TTC9C: variants seen among roughly 807,000 people sequenced by gnomAD.
The protein encoded by TTC9C is tetratricopeptide repeat protein 9C.
TTC9C carries 15 observed loss-of-function variants against 22.5 expected under a neutral mutation model. That is an observed-to-expected ratio of 0.67 (90% confidence interval 0.45 to 1.03). TTC9C has a LOEUF of 1.03. Among genes scored for constraint, TTC9C ranks in the 50% least tolerant of loss-of-function variants. The pLI is 0.00. For missense variants in TTC9C, 244 were observed against 214.6 expected (o/e 1.14, Z -0.86); for synonymous variants, 92 against 86.8 (o/e 1.06, Z -0.33).
chr11:62,728,450 TC>T (rs945405514), upstream of TTC9C: 5 of 461,076 alleles, frequency 1.1e-5, no homozygotes, highest in African/African-American at 6.1e-5. Context: ...TACTTCCAGG[TC>T]GGGGGGGGGC....
chr11:62,733,242 G>C lies in TTC9C; in HGVS notation c.239-2140G>C. 4.6e-6 allele frequency: 5 copies of C among 1,075,974 alleles called. No homozygotes were observed. The South Asian group carries it at 7.4e-5, about 16-fold the overall frequency. The allele number at this position is 1,075,974 out of a possible 1,614,324, so 66.7% of individuals were successfully genotyped here. On this transcript the variant is annotated intron_variant, in intron 1 of 2. Transcript: ENST00000316461. The stretch of plus-strand genomic sequence containing the variant: ...CCATTAAGTCATCCAAGAGAATAGT[G>C]AAGTTATATGCTGTATTGTTACTGA...
At chr11:62,733,099 CTA>C in intron 1 of TTC9C, 3 of 1,262,560 alleles carry the variant, frequency 2.4e-6, no homozygotes, top group Non-Finnish European at 2.1e-6. Context: ...TTTAATAATA[CTA>C]TGTTTAATTC....
chr11:62,730,428 T>A (rs770819271), intron 1 of TTC9C, among the ~76,000 whole-genome samples: 5 of 152,108 alleles, frequency 3.3e-5, no homozygotes, highest in Non-Finnish European at 5.9e-5. Flanking sequence ...CATTTACAGA[T>A]ATCTGCCATC....
chr11:62,732,624 A>AG (rs1312063632), intron 1 of TTC9C, among the ~76,000 whole-genome samples: 1 of 148,856 alleles, frequency 6.7e-6, no homozygotes, highest in East Asian at 2.0e-4. Flanking sequence ...AAAAAAAAAA[A>AG]AATTAATTTA....
In TTC9C at chr11:62,738,399, T is replaced by C; in HGVS notation, c.*17T>C. ...TTTGGTTAACAAAGAAGAAAGATGC[T>C]CCTCCAGTTGAACTTAGGTGGACCA... is the stretch of plus-strand genomic sequence containing the variant. On this transcript the variant is annotated 3_prime_UTR_variant, in exon 3 of 3. Transcript: ENST00000316461. 1 of 1,555,062 alleles carries C rather than the reference T, an allele frequency of 6.4e-7. No individual in the cohort carries two copies. Among genetic ancestry groups the C allele is most frequent in the Non-Finnish European group, 8.8e-7 (1 of 1,130,014 alleles).
rs1298244823 is a variant in TTC9C, at chr11:62,728,495, G to A, written c.-354G>A. 6 of 480,794 alleles carry A rather than the reference G, an allele frequency of 1.2e-5. No homozygotes were observed. The highest frequency in any genetic ancestry group is 5.9e-5 in the African/African-American group (3 of 51,020). The allele number at this position is 480,794 out of a possible 1,614,324, so 29.8% of individuals were successfully genotyped here. The stretch of plus-strand genomic sequence containing the variant: ...TAGAAAGGCGGAAGCCAGTGTCCCA[G>A]GCGTTCTCACGCCCGCAACAATTCC... On this transcript the variant is annotated 5_prime_UTR_variant, in exon 1 of 3. Transcript: ENST00000316461.
chr11:62,728,645 C>G lies in TTC9C; in HGVS notation c.-204C>G, dbSNP rs561397040. The G allele has an allele frequency of 1.4e-6, 1 of 690,856 alleles. No individual in the cohort carries two copies. Among genetic ancestry groups the G allele is most frequent in the Non-Finnish European group, 2.6e-6 (1 of 378,214 alleles). 42.8% of individuals were successfully genotyped at this position (690,856 alleles called of 1,614,324 possible). ...CTTTCCTTACTACTTGCCTGCACTT[C>G]TTGAGAAAAAGACTGCAGAAAGGAG... On this transcript the variant is annotated 5_prime_UTR_variant, in exon 1 of 3. Transcript: ENST00000316461.
intron 1 of TTC9C, among the ~76,000 whole-genome samples, chr11:62,734,579 T>TA (rs959980567): frequency 9.2e-5 from 14 of 151,968 alleles, no homozygotes; most frequent in African/African-American, 3.1e-4. Context: ...GACTCTGTCT[T>TA]AAAAAAATAA....
At chr11:62,731,976 C>CGTCCA (rs1476803628) in intron 1 of TTC9C, among the ~76,000 whole-genome samples, 1 of 145,578 alleles carries the variant, frequency 6.9e-6, no homozygotes. Flanking sequence ...TGAGCCACCG[C>CGTCCA]GCCTGGTCAG....
intron 1 of TTC9C, among the ~76,000 whole-genome samples, chr11:62,732,372 G>C (rs2083861123): frequency 6.6e-6 from 1 of 150,834 alleles, no homozygotes; most frequent in African/African-American, 2.4e-5. Context: ...ACTTTGGGAG[G>C]CCGAGGTGGG....
At chr11:62,737,902 A>G (rs1009745565) in intron 2 of TTC9C, among the ~76,000 whole-genome samples, 2 of 152,118 alleles carry the variant, frequency 1.3e-5, no homozygotes, top group African/African-American at 2.4e-5. Flanking sequence ...ATGGTGGTGC[A>G]TGCCTGTAAT....
chr11:62,728,544 T>G lies in TTC9C; in HGVS notation c.-305T>G, dbSNP rs200576183. 9.7e-6 allele frequency: 5 copies of G among 515,642 alleles called. No homozygotes were observed. The highest frequency in any genetic ancestry group is 1.9e-5 in the Non-Finnish European group (5 of 266,486). 31.9% of individuals were successfully genotyped at this position (515,642 alleles called of 1,614,324 possible). Reference sequence around the variant, plus strand: ...CCTGAGTAGGGCCTTGCTTGAGTTCTTCGGAAAGTCTCATCCACCCCCACA... The same window carrying G: ...CCTGAGTAGGGCCTTGCTTGAGTTCGTCGGAAAGTCTCATCCACCCCCACA... On this transcript the variant is annotated 5_prime_UTR_variant, in exon 1 of 3. Transcript: ENST00000316461.
At chr11:62,734,590 TAAAA>T (rs1013990247) in intron 1 of TTC9C, among the ~76,000 whole-genome samples, 2 of 151,782 alleles carry the variant, frequency 1.3e-5, no homozygotes, top group African/African-American at 2.4e-5. Context: ...AAAAAAATAA[TAAAA>T]AAAGAATACA....
upstream of TTC9C, chr11:62,728,314 C>G (rs1465575128): frequency 2.8e-6 from 1 of 359,984 alleles, no homozygotes; most frequent in African/African-American, 2.1e-5. Flanking sequence ...CTCAGTGTCG[C>G]TGGTGGTTCA....
Position 62,728,802 on chromosome 11 carries a change from ACTTGCTCCTTC to A in TTC9C, c.-46_-36del. ...ATTTTGCTCCCAACCCCAGAGCTTCACTTGCTCCTTCACTTCCCAGTTCCGCAAGAACCGTG... is the reference window on the plus strand; with the variant it reads ...ATTTTGCTCCCAACCCCAGAGCTTCAACTTCCCAGTTCCGCAAGAACCGTG... On this transcript the variant is annotated 5_prime_UTR_variant, in exon 1 of 3. Coordinates refer to ENST00000316461, the MANE Select transcript of TTC9C (RefSeq NM_173810.4). 1 of 1,594,136 alleles carries A rather than the reference ACTTGCTCCTTC, an allele frequency of 6.3e-7. No individual in the cohort carries two copies. Among genetic ancestry groups the A allele is most frequent in the Non-Finnish European group, 8.6e-7 (1 of 1,162,180 alleles).
rs376411520 is a variant in TTC9C at position 62,729,004 on chromosome 11, C to T, written c.156C>T (p.Leu52=). ...GTCTGCCCTCTCCGTTACCTAATCT[C>T]GGACCTCAGGGCCCGGCCCTCACGC... ...DPSLPSPLPN[L]GPQGPALTPE... is the part of the protein sequence containing the mutation. Residue 52 remains leucine (L), a synonymous_variant, in exon 1 of 3, where the codon CTC becomes CTT. Transcript: ENST00000316461. The T allele has an allele frequency of 2.4e-5, 38 of 1,613,998 alleles. No homozygotes were observed. The African/African-American group carries it at 4.5e-4, about 19-fold the overall frequency.
intron 1 of TTC9C, among the ~76,000 whole-genome samples, chr11:62,733,970 C>T (rs1191399865): frequency 2.6e-5 from 4 of 151,588 alleles, no homozygotes; most frequent in Non-Finnish European, 5.9e-5. Context: ...CCAGCCTGCA[C>T]GACAGAGCGA....
At position 62,729,084 on chromosome 11, in the gene TTC9C, C is replaced by T; in HGVS notation, c.236C>T (p.Ala79Val). 7 of 1,613,438 alleles carry T rather than the reference C, an allele frequency of 4.3e-6. No individual in the cohort carries two copies. The highest frequency in any genetic ancestry group is 5.9e-6 in the Non-Finnish European group (7 of 1,179,472). Reference sequence around the variant, plus strand: ...CAGACAGACTGCTATAACAATCTAGCTGGTAAGAACGGGGCTAAAGGGTGG... The same window carrying T: ...CAGACAGACTGCTATAACAATCTAGTTGGTAAGAACGGGGCTAAAGGGTGG... ...TTQTDCYNNL[A>V]ACLLQMEPVN... Residue 79 changes from alanine (A) to valine (V), a missense_variant and splice_region_variant, in exon 1 of 3, where the codon GCT becomes GTT. Physicochemically the swap from Ala to Val is moderately conservative, Grantham distance 64. Transcript: ENST00000316461.
intron 1 of TTC9C, 73 bp downstream of exon 1, chr11:62,729,159 A>G: frequency 7.1e-7 from 1 of 1,405,732 alleles, no homozygotes; most frequent in Non-Finnish European, 9.8e-7. Context: ...ATTGGGGGAA[A>G]AAACGCTGAC....
Sources: gnomAD v4.1 joint callset for allele counts (sites outside exome capture counted in the v4.1 genomes callset) on GRCh38, gnomAD v4.1.1 for gene constraint, MANE v1.5 for transcripts, NCBI Gene and HGNC (gene_info 2026-07-23, HGNC 2026-07-21) for gene names.